KIAA1217: variants seen among roughly 807,000 people sequenced by gnomAD.
The protein encoded by KIAA1217 is sickle tail protein homolog.
Under a neutral mutation model 163.9 loss-of-function variants are expected in KIAA1217, and 88 were observed. The observed-to-expected ratio is 0.54, with a 90% CI of 0.45 to 0.64. KIAA1217 has a LOEUF of 0.64. Among genes scored for constraint, KIAA1217 ranks in the 30% least tolerant of loss-of-function variants. KIAA1217 has a pLI of 0.00. For synonymous variants in KIAA1217, 903 were observed against 923.1 expected, an observed-to-expected ratio of 0.98 and a Z score of 0.39; for missense variants, 2,372 against 2,475.0, an observed-to-expected ratio of 0.96 and a Z score of 0.88.
At chr10:23,907,292 T>TTG (rs146002283) in intron 1 of KIAA1217, among the ~76,000 whole-genome samples, 5,111 of 145,778 alleles carry the variant, frequency 0.035, 185 homozygotes, top group African/African-American at 0.094. Context: ...CCAATATGAT[T>TTG]TGTGTGTGTG....
At chr10:24,220,068 C>T (rs554923515) in intron 2 of KIAA1217, among the ~76,000 whole-genome samples, 159 bp downstream of exon 2, 5 of 152,222 alleles carry the variant, frequency 3.3e-5, no homozygotes, top group Admixed American at 2.0e-4. Flanking sequence ...AGGAGGAAGC[C>T]GGGTGTAGAA....
chr10:24,259,325 T>C (rs2075492186), intron 2 of KIAA1217, among the ~76,000 whole-genome samples: 1 of 152,122 alleles, frequency 6.6e-6, no homozygotes, highest in Admixed American at 6.6e-5. Flanking sequence ...TCAAAATACT[T>C]GGTGCTGGCC....
At chr10:24,541,371 C>T (rs1214652867) in intron 17 of KIAA1217, among the ~76,000 whole-genome samples, 1 of 151,922 alleles carries the variant, frequency 6.6e-6, no homozygotes. Context: ...TTTGGTGGCT[C>T]GTGTACCTTG....
At chr10:24,298,811 A>G (rs2040940271) in intron 2 of KIAA1217, among the ~76,000 whole-genome samples, 1 of 152,148 alleles carries the variant, frequency 6.6e-6, no homozygotes, top group Non-Finnish European at 1.5e-5. Context: ...AAGAAAAAAT[A>G]AATAAATAAA....
intron 2 of KIAA1217, among the ~76,000 whole-genome samples, chr10:24,051,121 C>T (rs558603130): frequency 2.2e-4 from 33 of 152,238 alleles, no homozygotes; most frequent in South Asian, 4.1e-4. Context: ...ATCATTCTTA[C>T]GCCTTTGCAT....
chr10:23,953,741 C>T lies in KIAA1217; in HGVS notation c.-320-53484C>T, dbSNP rs76881457. Among the ~76,000 whole-genome samples, 868 of 152,286 alleles carry T rather than the reference C, an allele frequency of 5.7e-3. 14 individuals carry two copies. Among genetic ancestry groups the T allele is most frequent in the African/African-American group, 0.02 (830 of 41,562 alleles). On this transcript the variant is annotated intron_variant, in intron 1 of 18. Coordinates refer to the KIAA1217 transcript ENST00000376462. ...CATCCAACATGTAGCATACCTGGCACAGAATAAGTGCATAATTAATGTTAG... is the reference window on the plus strand; with the variant it reads ...CATCCAACATGTAGCATACCTGGCATAGAATAAGTGCATAATTAATGTTAG...
intron 1 of KIAA1217, among the ~76,000 whole-genome samples, chr10:23,729,970 C>G (rs1838384183): frequency 6.6e-6 from 1 of 151,788 alleles, no homozygotes; most frequent in Non-Finnish European, 1.5e-5. Context: ...GGCACGATCT[C>G]TGTTCACTGC....
chr10:24,145,319 C>T (rs1024923369), intron 2 of KIAA1217, among the ~76,000 whole-genome samples: 2 of 152,208 alleles, frequency 1.3e-5, no homozygotes, highest in Non-Finnish European at 2.9e-5. Context: ...GACTTGGAGG[C>T]TTTGCTCACA....
intron 2 of KIAA1217, among the ~76,000 whole-genome samples, chr10:24,350,866 G>A (rs1368016207): frequency 2.7e-5 from 4 of 150,140 alleles, no homozygotes; most frequent in Non-Finnish European, 4.4e-5. Flanking sequence ...GATCTTAATT[G>A]CAAGGGTCGT....
rs78860322 is a variant in KIAA1217 at position 24,226,370 on chromosome 10, C to T, written c.354+6461C>T. Among the ~76,000 whole-genome samples the T allele has an allele frequency of 2.5e-4, 38 of 152,126 alleles. No homozygotes were observed. In the East Asian group the frequency reaches 4.5e-3, roughly 18 times the overall value. ...GACTGGGTGCGGTGGCTCACGCCTG[C>T]AGTCCCAACACTTTGGGAGGCTAAG... On this transcript the variant is annotated intron_variant, in intron 2 of 20. Coordinates refer to ENST00000376454, the MANE Select transcript of KIAA1217 (RefSeq NM_019590.5).
intron 2 of KIAA1217, among the ~76,000 whole-genome samples, chr10:24,168,934 G>T (rs375409110): frequency 1.3e-5 from 2 of 152,150 alleles, no homozygotes; most frequent in African/African-American, 2.4e-5. Flanking sequence ...TTCACTCTTA[G>T]GTGTGCTTGC....
intron 2 of KIAA1217, among the ~76,000 whole-genome samples, chr10:24,310,288 A>T (rs12249363): frequency 0.096 from 14,668 of 152,248 alleles, 1,075 homozygotes; most frequent in African/African-American, 0.2. Context: ...AATTCATTTC[A>T]TCTTCACAAC....
At chr10:24,522,841 G>A (rs1029014754) in intron 12 of KIAA1217, among the ~76,000 whole-genome samples, 1 of 152,198 alleles carries the variant, frequency 6.6e-6, no homozygotes, top group Non-Finnish European at 1.5e-5. Context: ...ATTACAGGCG[G>A]TGGCGTGCCT....
At chr10:24,112,815 T>C (rs1022173946) in intron 2 of KIAA1217, among the ~76,000 whole-genome samples, 2 of 151,914 alleles carry the variant, frequency 1.3e-5, no homozygotes, top group Admixed American at 6.6e-5. Context: ...CTCGATCTCC[T>C]GACCTCATGA....
At chr10:23,866,553 G>A (rs12240879) in intron 1 of KIAA1217, among the ~76,000 whole-genome samples, 4,998 of 152,086 alleles carry the variant, frequency 0.033, 252 homozygotes, top group African/African-American at 0.11. Flanking sequence ...TTTCTGGAGG[G>A]CAGCTGTACC....
chr10:23,937,665 C>G (rs918482124), intron 1 of KIAA1217, among the ~76,000 whole-genome samples: 1 of 152,166 alleles, frequency 6.6e-6, no homozygotes, highest in East Asian at 1.9e-4. Context: ...CCCCATGGCA[C>G]CTTAACTTAA....
intron 1 of KIAA1217, among the ~76,000 whole-genome samples, chr10:23,757,481 A>G (rs1833981932): frequency 6.6e-6 from 1 of 152,002 alleles, no homozygotes; most frequent in South Asian, 2.1e-4. Context: ...ACATTTCTCT[A>G]ATGATTAACA....
chr10:24,385,272 T>G (rs2053855826), intron 3 of KIAA1217, among the ~76,000 whole-genome samples: 1 of 152,204 alleles, frequency 6.6e-6, no homozygotes, highest in African/African-American at 2.4e-5. Context: ...AAGTCCTCAT[T>G]TCTATTGCTT....
At chr10:24,190,818 A>G (rs2066682850) in intron 2 of KIAA1217, among the ~76,000 whole-genome samples, 1 of 152,096 alleles carries the variant, frequency 6.6e-6, no homozygotes, top group South Asian at 2.1e-4. Flanking sequence ...TGTATAATCC[A>G]TATCAGTTAA....
Sources: gnomAD v4.1 joint callset for allele counts (sites outside exome capture counted in the v4.1 genomes callset) on GRCh38, gnomAD v4.1.1 for gene constraint, MANE v1.5 for transcripts, NCBI Gene and HGNC (gene_info 2026-07-23, HGNC 2026-07-21) for gene names.